Variants in SASH1 observed in about 807,000 individuals in gnomAD.
SASH1 encodes SAM and SH3 domain-containing protein 1.
SASH1 carries 44 observed loss-of-function variants against 125.2 expected under a neutral mutation model. The ratio of observed to expected loss-of-function variants is 0.35; its 90% CI spans 0.28 to 0.45. The LOEUF (loss-of-function observed/expected upper bound fraction) is 0.45, where lower values mean the gene tolerates loss of function less well. SASH1 is among the 20% of genes least tolerant of loss of function. The probability of loss-of-function intolerance (pLI) is 1.00; values close to 1 mark genes in which losing one functional copy is unlikely to be tolerated. For synonymous variants in SASH1, 639 were observed against 649.1 expected, an observed-to-expected ratio of 0.98 and a Z score of 0.24; for missense variants, 1,426 against 1,614.5, an observed-to-expected ratio of 0.88 and a Z score of 2.00.
chr6:148,523,987 G>T (rs1305075018), intron 10 of SASH1, among the ~76,000 whole-genome samples: 1 of 151,480 alleles, frequency 6.6e-6, no homozygotes, highest in South Asian at 2.1e-4. Flanking sequence ...CTTTACCTGA[G>T]ATCACACAGC....
At chr6:148,263,439 T>C in the SASH1 span, among the ~76,000 whole-genome samples, 1 of 152,182 alleles carries the variant, frequency 6.6e-6, no homozygotes, top group South Asian at 2.1e-4. Flanking sequence ...CACCTTGAGT[T>C]CAGTCAGAAA....
At chr6:148,427,387 T>C (rs532078994) in intron 2 of SASH1, among the ~76,000 whole-genome samples, 1 of 152,316 alleles carries the variant, frequency 6.6e-6, no homozygotes, top group South Asian at 2.1e-4. Context: ...TCATGGACAC[T>C]GTGTCTTTTA....
chr6:148,370,920 A>G (rs1782680786), intron 1 of SASH1, among the ~76,000 whole-genome samples: 1 of 152,244 alleles, frequency 6.6e-6, no homozygotes, highest in South Asian at 2.1e-4. Context: ...TTTATAAGGT[A>G]TTCTCAAATG....
intron 8 of SASH1, chr6:148,512,705 T>G (rs1004640345): frequency 1.3e-5 from 13 of 985,324 alleles, no homozygotes; most frequent in Middle Eastern, 5.2e-4. Context: ...GGGAGTCCAG[T>G]TCCCATTCTT....
chr6:148,438,571 G>T (rs4895754), intron 2 of SASH1, among the ~76,000 whole-genome samples: 130,536 of 152,014 alleles, frequency 0.86, 56,175 homozygotes, highest in South Asian at 0.93. Context: ...TGTGATAACT[G>T]TTTATAACAA....
chr6:148,368,205 C>T (rs531163707), intron 1 of SASH1, among the ~76,000 whole-genome samples: 1 of 152,112 alleles, frequency 6.6e-6, no homozygotes, highest in African/African-American at 2.4e-5. Context: ...GCAGTGAGCC[C>T]GTACTTCTGT....
chr6:148,326,886 T>C (rs550693939), intron 1 of SASH1, among the ~76,000 whole-genome samples: 1 of 152,298 alleles, frequency 6.6e-6, no homozygotes, highest in Admixed American at 6.5e-5. Flanking sequence ...CCATACTCAT[T>C]ACTGCTTCCT....
intron 4 of SASH1, among the ~76,000 whole-genome samples, chr6:148,459,214 A>G (rs1428719510): frequency 6.6e-6 from 1 of 152,222 alleles, no homozygotes; most frequent in African/African-American, 2.4e-5. Context: ...GAAGCCACAA[A>G]TGAAGAAAAA....
At chr6:148,449,590 T>G (rs998972018) in intron 4 of SASH1, among the ~76,000 whole-genome samples, 1 of 152,038 alleles carries the variant, frequency 6.6e-6, no homozygotes, top group African/African-American at 2.4e-5. Flanking sequence ...TTTCTCCATG[T>G]TGGTCAGCCT....
intron 1 of SASH1, among the ~76,000 whole-genome samples, chr6:148,371,224 G>C (rs980847948): frequency 2.0e-5 from 3 of 152,104 alleles, no homozygotes; most frequent in African/African-American, 7.2e-5. Flanking sequence ...GAAATTAACT[G>C]ACTGATCTCT....
chr6:148,362,674 C>A (rs1414705929), intron 1 of SASH1, among the ~76,000 whole-genome samples: 1 of 151,682 alleles, frequency 6.6e-6, no homozygotes, highest in Non-Finnish European at 1.5e-5. Flanking sequence ...CATAGTGAGA[C>A]CCCTTCTCTA....
upstream of SASH1, among the ~76,000 whole-genome samples, chr6:148,271,967 A>G (rs9485264): frequency 0.015 from 2,280 of 152,228 alleles, 60 homozygotes; most frequent in African/African-American, 0.053. Flanking sequence ...TCACTGTTGT[A>G]TGTTAGTTAC....
chr6:148,500,330 AT>A (rs963004435), intron 8 of SASH1, among the ~76,000 whole-genome samples: 5 of 151,316 alleles, frequency 3.3e-5, no homozygotes, highest in Middle Eastern at 3.2e-3. Flanking sequence ...TGTGGTCTTC[AT>A]TGGGATAGCT....
At chr6:148,347,696 T>G (rs1325341563) in intron 1 of SASH1, among the ~76,000 whole-genome samples, 1 of 152,214 alleles carries the variant, frequency 6.6e-6, no homozygotes, top group Non-Finnish European at 1.5e-5. Flanking sequence ...ATTTTACGTC[T>G]TGGAATTTGA....
At chr6:148,485,876 G>A (rs960254013) in intron 7 of SASH1, among the ~76,000 whole-genome samples, 21 of 152,136 alleles carry the variant, frequency 1.4e-4, no homozygotes, top group African/African-American at 4.1e-4. Flanking sequence ...AAGTTGCTTG[G>A]CACATGGAAC....
In SASH1 at chr6:148,510,359, G is replaced by C. The variant is rs555354651; in HGVS notation, c.730-3965G>C. Among the ~76,000 whole-genome samples the C allele has an allele frequency of 9.4e-4, 143 of 152,286 alleles. 1 individual carries two copies. Among genetic ancestry groups the C allele is most frequent in the African/African-American group, 3.3e-3 (138 of 41,568 alleles). Reference sequence around the variant, plus strand: ...GTGAGGAGCTGTCATACAGATGATTGAGTTCACCTTCTCACTGAGAAGATG... The same window carrying C: ...GTGAGGAGCTGTCATACAGATGATTCAGTTCACCTTCTCACTGAGAAGATG... On this transcript the variant is annotated intron_variant, in intron 8 of 19. Transcript: ENST00000367467.
intron 2 of SASH1, among the ~76,000 whole-genome samples, chr6:148,411,255 C>T (rs950471539): frequency 1.4e-5 from 2 of 143,934 alleles, no homozygotes; most frequent in South Asian, 2.3e-4. Flanking sequence ...GTTCTAGTTA[C>T]ATATATAATT....
At chr6:148,474,293 A>G (rs1376998625) in intron 7 of SASH1, 71 bp downstream of exon 7, 4 of 874,946 alleles carry the variant, frequency 4.6e-6, no homozygotes. Context: ...GTTTGCGGCC[A>G]ACAAGGGGTA....
intron 9 of SASH1, among the ~76,000 whole-genome samples, chr6:148,518,252 AACTCTTCAGGGG>A (rs1780556901): frequency 6.6e-6 from 1 of 152,072 alleles, no homozygotes; most frequent in African/African-American, 2.4e-5. Context: ...ATCCCTGAAC[AACTCTTCAGGGG>A]ACTGTGGGCT....
Sources: allele counts gnomAD v4.1 joint callset (sites outside exome capture counted in the v4.1 genomes callset), GRCh38; gene constraint gnomAD v4.1.1; transcripts MANE v1.5; gene names NCBI Gene and HGNC (gene_info 2026-07-23, HGNC 2026-07-21).